The following CRTC3 variants were observed in gnomAD, a reference collection of about 807,000 sequenced individuals.
CRTC3 encodes CREB regulated transcription coactivator 3, also known as CREB-regulated transcription coactivator 3.
A neutral mutation model predicts 74.5 loss-of-function variants in CRTC3; 26 were observed. The ratio of observed to expected loss-of-function variants is 0.35; its 90% confidence interval spans 0.26 to 0.48. CRTC3 has a LOEUF of 0.48. Ranked by LOEUF, CRTC3 falls within the 20% of genes least tolerant of loss-of-function variation. The pLI is 0.99. For missense variants in CRTC3, 760 were observed against 787.3 expected (o/e 0.97, Z 0.41); for synonymous variants, 377 against 325.8 (o/e 1.16, Z -1.69).
chr15:90,631,672 T>C (rs6496714), intron 11 of CRTC3, among the ~76,000 whole-genome samples: 37,581 of 149,196 alleles, frequency 0.25, 5,533 homozygotes, highest in African/African-American at 0.42. Context: ...AAGTTTGCAG[T>C]GAGCCAGGAT....
chr15:90,642,215 T>G lies in CRTC3; in HGVS notation c.*75T>G. The G allele has an allele frequency of 1.3e-5, 16 of 1,243,844 alleles. No individual in the cohort carries two copies. The highest frequency in any genetic ancestry group is 1.9e-5 in the Non-Finnish European group (16 of 859,456). 77.1% of individuals were successfully genotyped at this position (1,243,844 alleles called of 1,614,324 possible). ...AATGGAATAGAATGAAGCCAGCTGATACCACGGGCTTTCGTTATCTTGACA... is the reference window on the plus strand; with the variant it reads ...AATGGAATAGAATGAAGCCAGCTGAGACCACGGGCTTTCGTTATCTTGACA... On this transcript the variant is annotated 3_prime_UTR_variant, in exon 15 of 15. Transcript: ENST00000268184.
Position 90,623,625 on chromosome 15 carries a change from G to C in CRTC3, c.750-2151G>C, listed in dbSNP as rs10048012. On this transcript the variant is annotated intron_variant, in intron 9 of 14. Transcript: ENST00000268184. ...GTCATAGCGGCCTCTCCACCTCCAG[G>C]CCTGCTCCGTGCACCCCAAGACCCC... Among the ~76,000 whole-genome samples, 344 of 152,160 alleles carry C rather than the reference G, an allele frequency of 2.3e-3. 2 individuals carry two copies. The highest frequency in any genetic ancestry group is 7.9e-3 in the African/African-American group (330 of 41,512).
At position 90,609,547 on chromosome 15, in the gene CRTC3, G is replaced by A. The variant is rs189236769; in HGVS notation, c.577+2069G>A. Among the ~76,000 whole-genome samples the A allele has an allele frequency of 2.0e-4, 30 of 152,310 alleles. No individual in the cohort carries two copies. In the East Asian group the frequency reaches 5.4e-3, roughly 27 times the overall value. ...CGATCCTTCATTTACATTACCCTCT[G>A]CAAAGTTTACACTTCTCTAGAAAGG... On this transcript the variant is annotated intron_variant, in intron 6 of 14. Coordinates refer to ENST00000268184, the MANE Select transcript of CRTC3 (RefSeq NM_022769.5).
chr15:90,566,602 G>C (rs915240060), intron 2 of CRTC3, among the ~76,000 whole-genome samples: 1 of 151,426 alleles, frequency 6.6e-6, no homozygotes, highest in Non-Finnish European at 1.5e-5. Context: ...AAAAGTACAG[G>C]ATGAAGCAAG....
intron 11 of CRTC3, chr15:90,634,642 C>G (rs1404180447): frequency 5.6e-6 from 3 of 538,950 alleles, no homozygotes; most frequent in East Asian, 6.5e-5. Flanking sequence ...GTGCTCTGCT[C>G]ATGTTTAAGA....
At chr15:90,533,422 G>GAA (rs11370876) in intron 1 of CRTC3, among the ~76,000 whole-genome samples, 3 of 138,868 alleles carry the variant, frequency 2.2e-5, no homozygotes, top group Non-Finnish European at 4.7e-5. Context: ...CTCCGCCTAG[G>GAA]AAAAAAAAAA....
Position 90,638,510 on chromosome 15 carries a change from C to T in CRTC3, c.1331C>T (p.Pro444Leu), listed in dbSNP as rs368798430. 3.0e-5 allele frequency: 49 copies of T among 1,613,954 alleles called. No individual in the cohort carries two copies. In the South Asian group the frequency reaches 4.3e-4, roughly 14 times the overall value. The change falls in exon 12 of 15, where the codon CCG (proline) becomes CTG (leucine). Residue 444 changes from proline (P) to leucine (L), a missense_variant. This residue lies in a region of CRTC3 where 652 missense variants were observed against 635.2 expected (regional missense o/e 1.03). Coordinates refer to ENST00000268184, the MANE Select transcript of CRTC3 (RefSeq NM_022769.5). ...ACAGAAGCTCAAGCCCAGGTGTCGC[C>T]GCCACCCCCTTACCCTGCACCCCAG... The part of the protein sequence containing the change: ...LPTEAQAQVS[P>L]PPPYPAPQEL...
At chr15:90,605,917 C>T (rs779992432) in intron 5 of CRTC3, among the ~76,000 whole-genome samples, 1 of 152,254 alleles carries the variant, frequency 6.6e-6, no homozygotes, top group Non-Finnish European at 1.5e-5. Flanking sequence ...ATTTGCTATA[C>T]ATTAGTGGCT....
rs1358051649 is a variant in CRTC3 at position 90,642,939 on chromosome 15, CCTCCAGACAAA to C, written c.*810_*820del. 4.3e-6 allele frequency: 1 copy of C among 233,002 alleles called. No individual in the cohort carries two copies. Among genetic ancestry groups the C allele is most frequent in the Non-Finnish European group, 8.5e-6 (1 of 117,948 alleles). The allele number at this position is 233,002 out of a possible 1,614,324, so 14.4% of individuals were successfully genotyped here. Reference sequence around the variant, plus strand: ...ACTGCAGGTGTCTCATACTCAGTGGCCTCCAGACAAACTCCAGACAAGCACAGACCTCCCCA... The same window carrying C: ...ACTGCAGGTGTCTCATACTCAGTGGCCTCCAGACAAGCACAGACCTCCCCA... On this transcript the variant is annotated 3_prime_UTR_variant, in exon 15 of 15. Transcript: ENST00000268184.
At chr15:90,640,246 T>C (rs1232435719) in intron 13 of CRTC3, among the ~76,000 whole-genome samples, 4 of 152,148 alleles carry the variant, frequency 2.6e-5, no homozygotes, top group African/African-American at 4.8e-5. Context: ...TAAAATGGCT[T>C]AGAAAATTAA....
chr15:90,626,835 G>A (rs567396532), intron 10 of CRTC3, among the ~76,000 whole-genome samples: 110 of 152,184 alleles, frequency 7.2e-4, no homozygotes, highest in African/African-American at 2.6e-3. Context: ...GGCTGGTCTC[G>A]AACTCCTGAC....
chr15:90,593,534 C>A, intron 2 of CRTC3, 102 bp from the exon 3 acceptor site: 1 of 1,389,014 alleles, frequency 7.2e-7, no homozygotes, highest in Non-Finnish European at 1.0e-6. Context: ...ATAAGTAAAA[C>A]TGTAAAATCG....
At chr15:90,614,978 C>T (rs1284726265) in intron 7 of CRTC3, among the ~76,000 whole-genome samples, 1 of 152,050 alleles carries the variant, frequency 6.6e-6, no homozygotes, top group Non-Finnish European at 1.5e-5. Context: ...GCAGGAGAAT[C>T]GCTTGAACAC....
At chr15:90,539,886 A>G (rs1183298944) in intron 1 of CRTC3, 153 bp from the exon 2 acceptor site, 3 of 636,512 alleles carry the variant, frequency 4.7e-6, no homozygotes, top group African/African-American at 3.7e-5. Context: ...CCCAGAAAGC[A>G]CCGGAAACCT....
intron 2 of CRTC3, among the ~76,000 whole-genome samples, chr15:90,564,018 A>G (rs533780789): frequency 2.9e-4 from 44 of 152,302 alleles, no homozygotes; most frequent in Non-Finnish European, 5.9e-4. Context: ...AAGGCTTTGC[A>G]TACATCATTT....
chr15:90,594,220 T>A (rs990122368), intron 3 of CRTC3: 2 of 152,556 alleles, frequency 1.3e-5, no homozygotes, highest in African/African-American at 4.8e-5. Context: ...TGTTTCAAAC[T>A]CAGTAAGTGA....
At chr15:90,560,155 C>T (rs903045531) in intron 2 of CRTC3, among the ~76,000 whole-genome samples, 2 of 152,002 alleles carry the variant, frequency 1.3e-5, no homozygotes, top group African/African-American at 4.8e-5. Flanking sequence ...AGTTAGCGCT[C>T]CAGGTTTGGT....
rs545086194 is a variant in CRTC3 at position 90,630,487 on chromosome 15, C to T, written c.1266+955C>T. Among the ~76,000 whole-genome samples the T allele has an allele frequency of 9.8e-5, 15 of 152,296 alleles. No homozygotes were observed. In the East Asian group the frequency reaches 2.1e-3, roughly 22 times the overall value. ...AAAATTAGCTGGGTGTGGTGGCACA[C>T]GCCTGTAGTCCCAGCTACTCCAGAG... On this transcript the variant is annotated intron_variant, in intron 11 of 14. Transcript: ENST00000268184.
rs773453423 is a variant in CRTC3, at chr15:90,641,122, G to A, written c.1574G>A (p.Arg525Gln). The A allele has an allele frequency of 3.8e-5, 61 of 1,613,784 alleles. No homozygotes were observed. The Admixed American group carries it at 5.7e-4, about 15-fold the overall frequency. The stretch of plus-strand genomic sequence containing the variant: ...GTGCCTCTGGTGCAACAAGGTTCCC[G>A]AGAACTGCAGGACTCTTTTCATTTG... ...QQVPLVQQGS[R>Q]ELQDSFHLRP... The change falls in exon 14 of 15, where the codon CGA becomes CAA. Residue 525 changes from arginine (R) to glutamine (Q), a missense_variant. By Grantham distance (43) the Arg-to-Gln change is conservative (BLOSUM62 1). This residue lies in a region of CRTC3 where 652 missense variants were observed against 635.2 expected (regional missense o/e 1.03). Coordinates refer to ENST00000268184, the MANE Select transcript of CRTC3 (RefSeq NM_022769.5).
Sources: allele counts gnomAD v4.1 joint callset (sites outside exome capture counted in the v4.1 genomes callset), GRCh38; gene constraint gnomAD v4.1.1; regional missense constraint gnomAD v4.1.1; transcripts MANE v1.5; gene names NCBI Gene and HGNC (gene_info 2026-07-23, HGNC 2026-07-21).